The following ABLIM2 variants were observed in gnomAD, a reference collection of about 807,000 sequenced individuals.
ABLIM2 encodes the protein actin-binding LIM protein 2.
In ABLIM2, 53 loss-of-function variants were observed where a neutral mutation model predicts 97.7. The observed-to-expected ratio is 0.54, with a 90% confidence interval of 0.44 to 0.68. The LOEUF (loss-of-function observed/expected upper bound fraction) is 0.68, where lower values mean the gene tolerates loss of function less well. ABLIM2 is among the 30% of genes least tolerant of loss of function. The probability of loss-of-function intolerance (pLI) is 0.00; values close to 1 mark genes in which losing one functional copy is unlikely to be tolerated. For missense variants in ABLIM2, 835 were observed against 867.2 expected, an observed-to-expected ratio of 0.96 and a Z score of 0.47; for synonymous variants, 361 against 345.8, an observed-to-expected ratio of 1.04 and a Z score of -0.49.
Position 8,148,665 on chromosome 4 carries a change from G to C in ABLIM2, c.10+10015C>G, listed in dbSNP as rs1185760384. Reference sequence around the variant, plus strand: ...TTCCCCCGTGGGCATGCACAGCAGAGTCCTGCTTGCCTGGAAGCAAATGCT... The same window carrying C: ...TTCCCCCGTGGGCATGCACAGCAGACTCCTGCTTGCCTGGAAGCAAATGCT... On this transcript the variant is annotated intron_variant, in intron 1 of 20. Coordinates refer to ENST00000447017, the MANE Select transcript of ABLIM2 (RefSeq NM_001130083.2). The surrounding 1 kb of genome is among the most constrained non-coding windows in gnomAD (Gnocchi z 6.7). Among the ~76,000 whole-genome samples the C allele has an allele frequency of 1.3e-5, 2 of 152,200 alleles. No individual in the cohort carries two copies. The highest frequency in any genetic ancestry group is 2.9e-5 in the Non-Finnish European group (2 of 68,022).
chr4:8,005,921 A>G lies in ABLIM2; in HGVS notation c.1618+2138T>C, dbSNP rs17794885. ...GGAATTCATGAGTGCAGCACGGGCCATTGGAGTCCTGCAGACCCAGCATGC... is the reference window on the plus strand; with the variant it reads ...GGAATTCATGAGTGCAGCACGGGCCGTTGGAGTCCTGCAGACCCAGCATGC... On this transcript the variant is annotated intron_variant, in intron 16 of 20. Coordinates refer to ENST00000447017, the MANE Select transcript of ABLIM2 (RefSeq NM_001130083.2). This position sits in a 1 kb window ranked among gnomAD's most constrained non-coding sequence, Gnocchi z 4.9. Among the ~76,000 whole-genome samples the G allele has an allele frequency of 0.02, 2,988 of 152,352 alleles. 50 individuals are homozygous for G. The highest frequency in any genetic ancestry group is 0.03 in the Non-Finnish European group (2,054 of 68,014).
chr4:8,018,288 T>C (rs950755754), intron 14 of ABLIM2, among the ~76,000 whole-genome samples: 5 of 152,220 alleles, frequency 3.3e-5, no homozygotes, highest in Non-Finnish European at 7.3e-5. Context: ...CAGCACAGAA[T>C]ACACAGCACT....
At chr4:8,119,915 G>T (rs1844526238) in intron 1 of ABLIM2, among the ~76,000 whole-genome samples, 1 of 152,136 alleles carries the variant, frequency 6.6e-6, no homozygotes, top group African/African-American at 2.4e-5. Context: ...CCTCCGCTCA[G>T]ATCTGGGGTG....
intron 5 of ABLIM2, among the ~76,000 whole-genome samples, chr4:8,078,004 G>C (rs111729529): frequency 3.9e-5 from 6 of 152,336 alleles, no homozygotes; most frequent in African/African-American, 1.4e-4. Context: ...AGCAGCTTCT[G>C]GGAAACGAGA....
At position 8,083,097 on chromosome 4, in the gene ABLIM2, C is replaced by T. The variant is rs1008453454; in HGVS notation, c.455-2295G>A. 6.6e-6 allele frequency among the ~76,000 whole-genome samples: 1 copy of T among 152,264 alleles called. No homozygotes were observed. The highest frequency in any genetic ancestry group is 2.4e-5 in the African/African-American group (1 of 41,540). On this transcript the variant is annotated intron_variant, in intron 4 of 20. Transcript: ENST00000447017. The surrounding 1 kb of genome is among the most constrained non-coding windows in gnomAD (Gnocchi z 4.6). ...CAGGACAGCCGCCCTCAACAGGGCT[C>T]TCTGGCCCCACATGTGAATGGTGCT...
At chr4:8,133,343 C>T (rs1383421804) in intron 1 of ABLIM2, among the ~76,000 whole-genome samples, 1 of 152,184 alleles carries the variant, frequency 6.6e-6, no homozygotes, top group Non-Finnish European at 1.5e-5. Context: ...ATCAGGGGAC[C>T]TACACCCCGG....
intron 11 of ABLIM2, among the ~76,000 whole-genome samples, chr4:8,028,533 AT>A (rs35521872): frequency 0.01 from 1,545 of 152,282 alleles, 8 homozygotes; most frequent in Middle Eastern, 0.021. Flanking sequence ...TGACTCATTC[AT>A]TAATTCATTC....
At chr4:8,037,041 T>C (rs997446347) in intron 9 of ABLIM2, among the ~76,000 whole-genome samples, 1 of 152,232 alleles carries the variant, frequency 6.6e-6, no homozygotes, top group Non-Finnish European at 1.5e-5. Flanking sequence ...TCTTGGTGAT[T>C]TGTAATGCCT....
At chr4:8,143,134 C>G (rs34094458) in intron 1 of ABLIM2, among the ~76,000 whole-genome samples, 3,406 of 147,024 alleles carry the variant, frequency 0.023, 61 homozygotes, top group Non-Finnish European at 0.034. Context: ...GTCAACAGTG[C>G]CCATACTGGG....
intron 8 of ABLIM2, among the ~76,000 whole-genome samples, chr4:8,047,223 G>C (rs1376937530): frequency 2.0e-5 from 3 of 152,214 alleles, no homozygotes; most frequent in African/African-American, 7.2e-5. Flanking sequence ...AAAGGAAGGA[G>C]AGGAGGGAGT....
intron 12 of ABLIM2, 151 bp from the exon 13 acceptor site, chr4:8,020,454 GC>G (rs1402599940): frequency 1.3e-6 from 1 of 744,634 alleles, no homozygotes; most frequent in Admixed American, 2.0e-5. Flanking sequence ...AGGAGTGTGG[GC>G]CTCATCCACG....
At chr4:7,972,005 G>A (rs779737606) in intron 20 of ABLIM2, among the ~76,000 whole-genome samples, 13 of 152,176 alleles carry the variant, frequency 8.5e-5, no homozygotes, top group Non-Finnish European at 1.5e-4. Flanking sequence ...GCACAAGGAG[G>A]CCCTGCATAC....
intron 8 of ABLIM2, among the ~76,000 whole-genome samples, chr4:8,052,629 T>A (rs1006079637): frequency 6.6e-6 from 1 of 152,164 alleles, no homozygotes; most frequent in Non-Finnish European, 1.5e-5. Flanking sequence ...CCAGGGCCCC[T>A]GCCTGCCCCC....
rs919493403 is a variant in ABLIM2 at position 8,044,689 on chromosome 4, C to A, written c.900+475G>T. Reference sequence around the variant, plus strand: ...ACAGAGTCTCTCTCTCTCTCTCTCTCTCGAACGAACGAAAACGGGATCACA... The same window carrying A: ...ACAGAGTCTCTCTCTCTCTCTCTCTATCGAACGAACGAAAACGGGATCACA... On this transcript the variant is annotated intron_variant, in intron 9 of 20. Transcript: ENST00000447017. The surrounding 1 kb of genome is among the most constrained non-coding windows in gnomAD (Gnocchi z 4.4). Among the ~76,000 whole-genome samples, 22 of 151,152 alleles carry A rather than the reference C, an allele frequency of 1.5e-4. No individual in the cohort carries two copies. The highest frequency in any genetic ancestry group is 1.4e-3 in the East Asian group (7 of 5,148).
intron 7 of ABLIM2, among the ~76,000 whole-genome samples, chr4:8,056,849 G>A (rs1203626242): frequency 6.7e-6 from 1 of 149,164 alleles, no homozygotes; most frequent in Non-Finnish European, 1.5e-5. Context: ...GGAGAATGGC[G>A]TGAACTCGGG....
intron 1 of ABLIM2, among the ~76,000 whole-genome samples, chr4:8,133,512 T>C (rs141386801): frequency 3.5e-4 from 53 of 152,140 alleles, no homozygotes; most frequent in Admixed American, 1.1e-3. Context: ...CTTGGCAAAC[T>C]AGCCTCCCAG....
chr4:8,109,924 C>T (rs996844884), intron 1 of ABLIM2, among the ~76,000 whole-genome samples: 10 of 152,348 alleles, frequency 6.6e-5, no homozygotes, highest in South Asian at 2.1e-4. Flanking sequence ...GCTTGTCCCA[C>T]GCGCCTTTTG....
chr4:8,003,562 T>TC lies in ABLIM2; in HGVS notation c.1618+4496_1618+4497insG. On this transcript the variant is annotated intron_variant, in intron 16 of 20. Coordinates refer to ENST00000447017, the MANE Select transcript of ABLIM2 (RefSeq NM_001130083.2). This position sits in a 1 kb window ranked among gnomAD's most constrained non-coding sequence, Gnocchi z 4.2. ...CCACTACGCTCTTCTTCCAGTTTTC[T>TC]TTTTTTTTTTTTTTTTTTTTGGAGA... Among the ~76,000 whole-genome samples, 1 of 124,202 alleles carries TC rather than the reference T, an allele frequency of 8.1e-6. No homozygotes were observed. Among genetic ancestry groups the TC allele is most frequent in the Non-Finnish European group, 1.7e-5 (1 of 57,910 alleles). The allele number at this position is 124,202 out of a possible 152,430, so 81.5% of individuals were successfully genotyped here.
At chr4:8,107,798 A>G (rs973630730) in intron 1 of ABLIM2, among the ~76,000 whole-genome samples, 74 of 152,326 alleles carry the variant, frequency 4.9e-4, no homozygotes, top group African/African-American at 1.5e-3. Flanking sequence ...CTTCGATGGG[A>G]TATGATGTGA....
Sources: allele counts gnomAD v4.1 joint callset (sites outside exome capture counted in the v4.1 genomes callset), GRCh38; gene constraint gnomAD v4.1.1; non-coding constraint Gnocchi (gnomAD v3.1); transcripts MANE v1.5; gene names NCBI Gene and HGNC (gene_info 2026-07-23, HGNC 2026-07-21).